ZNF395: variants seen among roughly 807,000 people sequenced by gnomAD.
The protein encoded by ZNF395 is zinc finger protein 395.
Under a neutral mutation model 57.7 loss-of-function variants are expected in ZNF395, and 20 were observed. The observed-to-expected ratio is 0.35, with a 90% CI of 0.24 to 0.50. The LOEUF (loss-of-function observed/expected upper bound fraction) is 0.50. Ranked by LOEUF, ZNF395 falls within the 20% of genes least tolerant of loss-of-function variation. The pLI is 0.97. For synonymous variants in ZNF395, 295 were observed against 275.9 expected (o/e 1.07, Z -0.69); for missense variants, 606 against 671.2 (o/e 0.90, Z 1.07).
intron 2 of ZNF395, among the ~76,000 whole-genome samples, chr8:28,360,658 AG>A (rs1228428183): frequency 6.6e-6 from 1 of 152,250 alleles, no homozygotes; most frequent in Admixed American, 6.5e-5. Flanking sequence ...GTCTGATGCT[AG>A]GTCTTGCCAC....
intron 3 of ZNF395, among the ~76,000 whole-genome samples, chr8:28,358,671 A>G (rs2129955684): frequency 6.6e-6 from 1 of 152,282 alleles, no homozygotes; most frequent in Non-Finnish European, 1.5e-5. Flanking sequence ...TCCCAGCCTC[A>G]AGCAATCTTC....
In ZNF395 at chr8:28,346,356, TG is replaced by T. The variant is rs1801599912; in HGVS notation, c.*2362del. 1 of 151,650 alleles carries T rather than the reference TG, an allele frequency of 6.6e-6. No individual in the cohort carries two copies. Among genetic ancestry groups the T allele is most frequent in the Non-Finnish European group, 1.5e-5 (1 of 67,978 alleles). The allele number at this position is 151,650 out of a possible 1,614,324, so 9.4% of individuals were successfully genotyped here. A position where few individuals can be genotyped will look rare whatever the true frequency, so the allele number is the denominator to read the frequency against. On this transcript the variant is annotated 3_prime_UTR_variant, in exon 10 of 10. Coordinates refer to ENST00000344423, the MANE Select transcript of ZNF395 (RefSeq NM_018660.3). ...CCCTCACCCTCCAAGAAGGCATGAA[TG>T]GAACAACCCCGAGAACAGAGCACGT...
intron 1 of ZNF395, among the ~76,000 whole-genome samples, chr8:28,369,359 T>G (rs773002935): frequency 1.4e-4 from 22 of 152,130 alleles, no homozygotes; most frequent in Non-Finnish European, 2.8e-4. Flanking sequence ...CAGGGGAGCC[T>G]GGCAGGAGGA....
rs755257563 is a variant in ZNF395, at chr8:28,351,800, C to G, written c.928G>C (p.Val310Leu). Residue 310 changes from valine to leucine, a missense_variant, in exon 7 of 10, where the codon GTG (valine) becomes CTG (leucine). By Grantham distance (32) the Val-to-Leu change is conservative. Around this residue, in one of 3 missense-constraint regions of ZNF395, gnomAD observed 261 missense variants for 240.3 expected, o/e 1.09. Transcript: ENST00000344423. The part of the protein sequence containing the change: ...HVKALHLGDT[V>L]DSDQFKREED... Reference sequence around the variant, plus strand: ...TCCCGCTTGAACTGATCAGAGTCCACTGTGTCCCTGTGTGGGAGGGAGATG... The same window carrying G: ...TCCCGCTTGAACTGATCAGAGTCCAGTGTGTCCCTGTGTGGGAGGGAGATG... The G allele has an allele frequency of 6.5e-7, 1 of 1,543,898 alleles. No individual in the cohort carries two copies. Among genetic ancestry groups the G allele is most frequent in the South Asian group, 1.2e-5 (1 of 82,938 alleles).
chr8:28,365,864 ACT>A lies in ZNF395; in HGVS notation c.-58-4684_-58-4683del, dbSNP rs750879827. Among the ~76,000 whole-genome samples the A allele has an allele frequency of 1.1e-3, 163 of 151,946 alleles. 1 individual carries two copies. Among genetic ancestry groups the A allele is most frequent in the Admixed American group, 3.1e-3 (48 of 15,266 alleles). ...TGGAACAGGCAGAACAGTAAAACAA[ACT>A]CTCTCTGTGGTTCGGGGTTGCAAAC... is the stretch of plus-strand genomic sequence containing the variant. On this transcript the variant is annotated intron_variant, in intron 1 of 9. Transcript: ENST00000344423.
At chr8:28,355,947 A>T (rs1041201122) in intron 4 of ZNF395, among the ~76,000 whole-genome samples, 5 of 150,954 alleles carry the variant, frequency 3.3e-5, no homozygotes, top group Non-Finnish European at 5.9e-5. Context: ...AGTAGCTTGC[A>T]ATTCAGTTAG....
chr8:28,353,491 G>T, intron 4 of ZNF395, 83 bp from the exon 5 acceptor site: 1 of 1,118,698 alleles, frequency 8.9e-7, no homozygotes. Flanking sequence ...GGTAAACATG[G>T]AGAGGAGTTC....
chr8:28,347,998 C>G lies in ZNF395; in HGVS notation c.*721G>C, dbSNP rs1289032641. On this transcript the variant is annotated 3_prime_UTR_variant, in exon 10 of 10. Transcript: ENST00000344423. ...ATTCCAAAAAGTGAATTCTGATCAG[C>G]CTTTTGGCTCAGCTATTTGGCGACA... 6.6e-6 allele frequency: 1 copy of G among 152,210 alleles called. No homozygotes were observed. Among genetic ancestry groups the G allele is most frequent in the East Asian group, 1.9e-4 (1 of 5,194 alleles). The allele number at this position is 152,210 out of a possible 1,614,324, so 9.4% of individuals were successfully genotyped here.
intron 4 of ZNF395, among the ~76,000 whole-genome samples, chr8:28,353,619 T>G (rs557288341): frequency 6.6e-6 from 1 of 152,160 alleles, no homozygotes; most frequent in African/African-American, 2.4e-5. Flanking sequence ...TTGTATAGGA[T>G]TCATACAAAG....
intron 1 of ZNF395, among the ~76,000 whole-genome samples, chr8:28,367,622 T>C (rs1288987758): frequency 6.6e-6 from 1 of 152,166 alleles, no homozygotes; most frequent in Non-Finnish European, 1.5e-5. Context: ...ACCTCCCCAT[T>C]TGCTCTCAGA....
Position 28,348,679 on chromosome 8 carries a change from G to T in ZNF395, c.*40C>A. On this transcript the variant is annotated 3_prime_UTR_variant, in exon 10 of 10. Transcript: ENST00000344423. ...ACACACTGGCCTCTTGTCAGTGGCT[G>T]CCGGCAGGGCCAGGAACAGAGTAGA... 6.3e-7 allele frequency: 1 copy of T among 1,580,016 alleles called. No homozygotes were observed. Among genetic ancestry groups the T allele is most frequent in the Non-Finnish European group, 8.7e-7 (1 of 1,150,016 alleles).
chr8:28,374,565 C>T (rs1249761220), intron 1 of ZNF395, among the ~76,000 whole-genome samples: 1 of 152,100 alleles, frequency 6.6e-6, no homozygotes, highest in African/African-American at 2.4e-5. Context: ...GCCATGCTTC[C>T]CAGGGGCTGT....
rs751409085 is a variant in ZNF395, at chr8:28,349,227, A to G, written c.1328T>C (p.Val443Ala). ...GCTGAAGCTTAGCGACCGGCTCCGG[A>G]CCTGGGCGTGGGGAGAGGGGCTGTG... Reference protein sequence around the residue: ...APSAACSLSPVRSRSLSFSEP... With the variant: ...APSAACSLSPARSRSLSFSEP... Residue 443 changes from valine (V) to alanine (A), a missense_variant and splice_region_variant, in exon 9 of 10, where the codon GTC (valine) becomes GCC (alanine). Physicochemically the swap from Val to Ala is moderately conservative, Grantham distance 64. Transcript: ENST00000344423. The G allele has an allele frequency of 7.1e-6, 11 of 1,539,536 alleles. No homozygotes were observed. The highest frequency in any genetic ancestry group is 9.6e-6 in the Non-Finnish European group (11 of 1,143,766).
chr8:28,367,215 A>G (rs1351218132), intron 1 of ZNF395, among the ~76,000 whole-genome samples: 2 of 152,216 alleles, frequency 1.3e-5, no homozygotes. Context: ...AAAATGATAG[A>G]ATATCAAGAC....
chr8:28,374,270 TG>T (rs1802011401), intron 1 of ZNF395, among the ~76,000 whole-genome samples: 3 of 152,158 alleles, frequency 2.0e-5, no homozygotes, highest in Admixed American at 2.0e-4. Context: ...CTTAACTTTT[TG>T]TAAGTCCTAT....
intron 4 of ZNF395, among the ~76,000 whole-genome samples, chr8:28,354,865 A>C (rs1801761159): frequency 6.6e-6 from 1 of 151,392 alleles, no homozygotes; most frequent in African/African-American, 2.4e-5. Flanking sequence ...CTACATGGCA[A>C]CATCTAGGAT....
At chr8:28,385,977 G>C (rs999934111) in intron 1 of ZNF395, 2 of 146,450 alleles carry the variant, frequency 1.4e-5, no homozygotes, top group African/African-American at 4.9e-5. Flanking sequence ...CCCGGCTGCC[G>C]CGCCGCTAGG....
intron 1 of ZNF395, among the ~76,000 whole-genome samples, chr8:28,365,096 G>A (rs562343060): frequency 7.0e-4 from 107 of 152,320 alleles, no homozygotes; most frequent in African/African-American, 2.5e-3. Context: ...TACAAATCTA[G>A]ACTAATCCAG....
intron 7 of ZNF395, among the ~76,000 whole-genome samples, 168 bp from the exon 8 acceptor site, chr8:28,350,324 T>C (rs920695485): frequency 2.0e-5 from 3 of 152,222 alleles, no homozygotes; most frequent in Admixed American, 6.5e-5. Flanking sequence ...CACTGGAGTA[T>C]CATCCAATGC....
Sources: gnomAD v4.1 joint callset for allele counts (sites outside exome capture counted in the v4.1 genomes callset) on GRCh38, gnomAD v4.1.1 for gene constraint, gnomAD v4.1.1 regional missense constraint, MANE v1.5 for transcripts, NCBI Gene and HGNC (gene_info 2026-07-23, HGNC 2026-07-21) for gene names.